The following PHACTR1 variants were observed in gnomAD, a reference collection of about 807,000 sequenced individuals.
The protein encoded by PHACTR1 is phosphatase and actin regulator 1.
Under a neutral mutation model 69.2 loss-of-function variants are expected in PHACTR1, and 16 were observed. The observed-to-expected ratio is 0.23, with a 90% confidence interval of 0.16 to 0.35. PHACTR1 has a LOEUF of 0.35. Ranked by LOEUF, PHACTR1 falls within the 10% of genes least tolerant of loss-of-function variation. PHACTR1 has a pLI of 1.00. For missense variants in PHACTR1, 510 were observed against 734.7 expected (o/e 0.69, Z 3.54); for synonymous variants, 312 against 284.5 (o/e 1.10, Z -0.97).
intron 6 of PHACTR1, among the ~76,000 whole-genome samples, chr6:13,166,678 C>T (rs1008317039): frequency 5.3e-5 from 8 of 152,112 alleles, no homozygotes; most frequent in African/African-American, 1.7e-4. Flanking sequence ...GCCAAATGCC[C>T]TACTTTCAGA....
At chr6:13,284,561 T>G (rs1168930435) in intron 13 of PHACTR1, among the ~76,000 whole-genome samples, 8 of 115,284 alleles carry the variant, frequency 6.9e-5, no homozygotes, top group Admixed American at 9.3e-5. Flanking sequence ...TATATATATA[T>G]ATATATATAG....
intron 5 of PHACTR1, among the ~76,000 whole-genome samples, chr6:13,123,445 T>G (rs1387125758): frequency 6.6e-6 from 1 of 152,182 alleles, no homozygotes; most frequent in Non-Finnish European, 1.5e-5. Context: ...CTCACCCAGG[T>G]GCAAAGCATT....
chr6:12,736,902 G>A (rs1362977578), intron 3 of PHACTR1, among the ~76,000 whole-genome samples: 1 of 152,088 alleles, frequency 6.6e-6, no homozygotes, highest in Non-Finnish European at 1.5e-5. Context: ...TTCGTCTAGA[G>A]AGGAGTGTGT....
In PHACTR1 at chr6:13,027,440, C is replaced by A. The variant is rs558845292; in HGVS notation, c.251-25925C>A. On this transcript the variant is annotated intron_variant, in intron 4 of 14. Transcript: ENST00000332995. Reference sequence around the variant, plus strand: ...GTGTGGTCTGGCTAGTCCTCGGGTCCATGTTACTGCAACAGAAACCAGCAG... The same window carrying A: ...GTGTGGTCTGGCTAGTCCTCGGGTCAATGTTACTGCAACAGAAACCAGCAG... Among the ~76,000 whole-genome samples, 4 of 152,220 alleles carry A rather than the reference C, an allele frequency of 2.6e-5. No individual in the cohort carries two copies. In the East Asian group the frequency reaches 5.8e-4, roughly 22 times the overall value.
intron 4 of PHACTR1, among the ~76,000 whole-genome samples, chr6:12,756,875 A>C (rs1443189594): frequency 6.6e-6 from 1 of 152,234 alleles, no homozygotes; most frequent in Non-Finnish European, 1.5e-5. Context: ...AGAGGTACAG[A>C]AAAACCTGTA....
chr6:13,116,785 A>G (rs1817884927), intron 5 of PHACTR1, among the ~76,000 whole-genome samples: 1 of 152,202 alleles, frequency 6.6e-6, no homozygotes, highest in Non-Finnish European at 1.5e-5. Flanking sequence ...ATTTTTGAGC[A>G]TTTTATTTGA....
intron 10 of PHACTR1, among the ~76,000 whole-genome samples, chr6:13,241,314 G>T (rs1358080756): frequency 6.6e-6 from 1 of 152,162 alleles, no homozygotes; most frequent in Non-Finnish European, 1.5e-5. Flanking sequence ...TGGTTCTCCT[G>T]GTGTGGCCCT....
intron 3 of PHACTR1, among the ~76,000 whole-genome samples, chr6:12,721,804 C>T (rs1281525437): frequency 1.3e-5 from 2 of 152,218 alleles, no homozygotes; most frequent in Admixed American, 6.5e-5. Context: ...ACAACCAGCA[C>T]CCCTTAGGCC....
chr6:12,887,923 A>G (rs1330387368), intron 4 of PHACTR1, among the ~76,000 whole-genome samples: 2 of 151,854 alleles, frequency 1.3e-5, no homozygotes, highest in African/African-American at 4.8e-5. Context: ...CAAAAAAAAA[A>G]TTAGCCGGGC....
intron 5 of PHACTR1, among the ~76,000 whole-genome samples, chr6:13,132,729 T>A (rs80232087): frequency 8.7e-3 from 333 of 38,362 alleles, no homozygotes; most frequent in African/African-American, 0.011. Flanking sequence ...ACCGTATTGC[T>A]AAAAAAAAAA....
chr6:12,971,314 A>G (rs1452003916), intron 4 of PHACTR1, among the ~76,000 whole-genome samples: 2 of 152,118 alleles, frequency 1.3e-5, no homozygotes, highest in Admixed American at 6.5e-5. Context: ...TGCACATCAT[A>G]CTTAGCTGTC....
chr6:13,027,942 G>C (rs1264167872), intron 4 of PHACTR1, among the ~76,000 whole-genome samples: 1 of 152,180 alleles, frequency 6.6e-6, no homozygotes, highest in Admixed American at 6.5e-5. Flanking sequence ...CTCCCAAAGT[G>C]CTGGGATTAC....
intron 5 of PHACTR1, among the ~76,000 whole-genome samples, chr6:13,108,489 T>C (rs1272767735): frequency 6.6e-6 from 1 of 152,126 alleles, no homozygotes; most frequent in African/African-American, 2.4e-5. Flanking sequence ...TTATGGACTT[T>C]GTTTTTTCCT....
intron 4 of PHACTR1, among the ~76,000 whole-genome samples, chr6:12,915,418 A>G (rs1786859792): frequency 6.6e-6 from 1 of 151,360 alleles, no homozygotes; most frequent in African/African-American, 2.4e-5. Context: ...GAGGCAGGAG[A>G]ATCGCTTGAA....
intron 5 of PHACTR1, among the ~76,000 whole-genome samples, chr6:13,117,607 G>T (rs1429392393): frequency 1.3e-5 from 2 of 152,158 alleles, no homozygotes; most frequent in Non-Finnish European, 2.9e-5. Flanking sequence ...AAAAAATGTG[G>T]TCTCTAGTCA....
intron 4 of PHACTR1, among the ~76,000 whole-genome samples, chr6:12,898,596 C>T (rs1052827478): frequency 3.3e-5 from 5 of 152,218 alleles, no homozygotes; most frequent in Admixed American, 2.0e-4. Flanking sequence ...TTGGCCGCTG[C>T]TACTTTTAAT....
At chr6:13,260,358 AG>A (rs1304425303) in intron 10 of PHACTR1, among the ~76,000 whole-genome samples, 3 of 152,154 alleles carry the variant, frequency 2.0e-5, no homozygotes, top group African/African-American at 7.2e-5. Context: ...ACTGTGAATA[AG>A]GGAGTGAAGG....
intron 5 of PHACTR1, among the ~76,000 whole-genome samples, chr6:13,092,422 C>T (rs908919396): frequency 2.0e-5 from 3 of 152,114 alleles, no homozygotes; most frequent in African/African-American, 7.2e-5. Flanking sequence ...GATGTCATTC[C>T]TGCTGTTAAG....
chr6:12,969,045 G>A (rs1003157719), intron 4 of PHACTR1, among the ~76,000 whole-genome samples: 5 of 152,144 alleles, frequency 3.3e-5, no homozygotes, highest in Admixed American at 6.5e-5. Context: ...GCTAGTCCAT[G>A]CACCACACTT....
Sources: allele counts gnomAD v4.1 joint callset (sites outside exome capture counted in the v4.1 genomes callset), GRCh38; gene constraint gnomAD v4.1.1; transcripts MANE v1.5; gene names NCBI Gene and HGNC (gene_info 2026-07-23, HGNC 2026-07-21).